Variants in UBAP2L observed in about 807,000 individuals in gnomAD.
UBAP2L encodes the protein ubiquitin-associated protein 2-like.
Under a neutral mutation model 130.6 loss-of-function variants are expected in UBAP2L, and 12 were observed. That is an observed-to-expected ratio of 0.09 (90% confidence interval 0.06 to 0.15). The LOEUF (loss-of-function observed/expected upper bound fraction) is 0.15. Among genes scored for constraint, UBAP2L ranks in the 10% least tolerant of loss-of-function variants. The pLI, the probability that UBAP2L is intolerant of heterozygous loss-of-function variation, is 1.00. For missense variants in UBAP2L, 965 were observed against 1,332.5 expected, an observed-to-expected ratio of 0.72 and a Z score of 4.29; for synonymous variants, 503 against 524.7, an observed-to-expected ratio of 0.96 and a Z score of 0.57.
Position 154,255,707 on chromosome 1 carries a change from C to T in UBAP2L, c.2109C>T (p.Thr703=), listed in dbSNP as rs138366026. The T allele has an allele frequency of 5.7e-5, 92 of 1,614,114 alleles. No individual in the cohort carries two copies. In the African/African-American group the frequency reaches 8.9e-4, roughly 16 times the overall value. ...GCACGTTATCTACGCAGCAGAATAC[C>T]CTTTCATCATCAACATCTTCTGGGC... ...HSSTLSTQQN[T]LSSSTSSGRT... The change falls in exon 18 of 27, where the codon ACC becomes ACT. Residue 703 remains threonine, a synonymous_variant. Coordinates refer to ENST00000428931, the MANE Select transcript of UBAP2L (RefSeq NM_014847.4).
intron 17 of UBAP2L, 65 bp from the exon 18 acceptor site, chr1:154,255,618 G>T: frequency 6.5e-7 from 1 of 1,546,758 alleles, no homozygotes; most frequent in South Asian, 1.1e-5. Flanking sequence ...TTATGTTCTT[G>T]ACTGAAGCTC....
chr1:154,270,598 C>T lies in UBAP2L; in HGVS notation c.*303C>T. ...CTTCCTTTGCTTCCTCCTGTTCACC[C>T]TGGTGGTGTACGGATGAGGCGGGGA... is the stretch of plus-strand genomic sequence containing the variant. On this transcript the variant is annotated 3_prime_UTR_variant, in exon 27 of 27. Transcript: ENST00000428931. 1 of 1,417,604 alleles carries T rather than the reference C, an allele frequency of 7.1e-7. No homozygotes were observed. Among genetic ancestry groups the T allele is most frequent in the South Asian group, 1.6e-5 (1 of 64,004 alleles). The allele number at this position is 1,417,604 out of a possible 1,614,324, so 87.8% of individuals were successfully genotyped here. A position where few individuals can be genotyped will look rare whatever the true frequency, so the allele number is the denominator to read the frequency against.
At chr1:154,234,293 G>A (rs556218791) in intron 4 of UBAP2L, among the ~76,000 whole-genome samples, 103 of 152,132 alleles carry the variant, frequency 6.8e-4, no homozygotes, top group African/African-American at 1.9e-3. Flanking sequence ...AACCTGGGAG[G>A]TGGAGGTTGC....
chr1:154,263,034 C>G lies in UBAP2L; in HGVS notation c.2902+1337C>G. ...TATTATATCAGCCCTTGAGAACCCC[C>G]AGTTCCCAACCCCACAAAGGGCTTT... On this transcript the variant is annotated intron_variant, in intron 24 of 26. Transcript: ENST00000428931. 2.7e-6 allele frequency: 4 copies of G among 1,470,464 alleles called. No homozygotes were observed. In the South Asian group the frequency reaches 3.8e-5, roughly 14 times the overall value. 91.1% of individuals were successfully genotyped at this position (1,470,464 alleles called of 1,614,324 possible).
chr1:154,257,449 A>G lies in UBAP2L; in HGVS notation c.2442+15A>G, dbSNP rs746775623. ...ATGCCTACCCGGTAAGTGGGACTAA[A>G]GGATCTTCTTCAAAAGGTGAGGATG... On this transcript the variant is annotated intron_variant, in intron 20 of 26. Coordinates refer to ENST00000428931, the MANE Select transcript of UBAP2L (RefSeq NM_014847.4). The G allele has an allele frequency of 1.2e-6, 2 of 1,612,004 alleles. No individual in the cohort carries two copies. The highest frequency in any genetic ancestry group is 1.7e-6 in the Non-Finnish European group (2 of 1,179,702).
intron 23 of UBAP2L, 143 bp from the exon 24 acceptor site, chr1:154,261,449 G>T: frequency 1.3e-6 from 1 of 798,680 alleles, no homozygotes. Context: ...CAGTTAGTAA[G>T]GAGCTAATTT....
At chr1:154,220,878 C>A (rs1166802177), upstream of UBAP2L, 1 of 124,264 alleles carries the variant, frequency 8.0e-6, no homozygotes, top group Admixed American at 1.0e-4. Context: ...CGAGAGCGAG[C>A]GCGAGAGGGA....
intron 1 of UBAP2L, among the ~76,000 whole-genome samples, chr1:154,222,711 T>C (rs1439920649): frequency 2.0e-5 from 3 of 152,116 alleles, no homozygotes; most frequent in Non-Finnish European, 2.9e-5. Context: ...AATTGTTTCT[T>C]AAATTAGATT....
rs374206084 is a variant in UBAP2L, at chr1:154,268,825, A to T, written c.3039A>T (p.Leu1013=). 9 of 1,613,914 alleles carry T rather than the reference A, an allele frequency of 5.6e-6. No individual in the cohort carries two copies. The highest frequency in any genetic ancestry group is 6.8e-6 in the Non-Finnish European group (8 of 1,180,002). Residue 1013 remains leucine, a synonymous_variant, in exon 26 of 27, where the codon CTA becomes CTT. Coordinates refer to ENST00000428931, the MANE Select transcript of UBAP2L (RefSeq NM_014847.4). ...CTTCCTTCAACTTGCCTTCAGCCCT[A>T]GGAAGTGGGGGCCCCATCAATCCGG... ...PAASFNLPSA[L]GSGGPINPAT... is the part of the protein sequence containing the mutation.
At chr1:154,235,171 G>C (rs1354170887) in intron 5 of UBAP2L, 25 bp from the exon 6 acceptor site, 5 of 743,778 alleles carry the variant, frequency 6.7e-6, no homozygotes, top group Non-Finnish European at 1.2e-5. Flanking sequence ...TGTTGTTGTT[G>C]TTTTAATTTT....
chr1:154,246,715 A>G (rs1049843962), intron 11 of UBAP2L, among the ~76,000 whole-genome samples: 5 of 152,248 alleles, frequency 3.3e-5, no homozygotes, highest in Non-Finnish European at 7.3e-5. Flanking sequence ...TCATTAAACT[A>G]TGATGGGAGA....
chr1:154,253,941 C>G lies in UBAP2L; in HGVS notation c.1706C>G (p.Ser569Cys). 1 of 1,614,114 alleles carries G rather than the reference C, an allele frequency of 6.2e-7. No individual in the cohort carries two copies. Among genetic ancestry groups the G allele is most frequent in the African/African-American group, 1.3e-5 (1 of 75,000 alleles). Reference protein sequence around the residue: ...STISSNQSQESGYQSGPIQST... With the variant: ...STISSNQSQECGYQSGPIQST... ...ATTTCATCTAACCAGAGTCAGGAGTCTGGTTATCAGAGCGGCCCAATTCAG... is the reference window on the plus strand; with the variant it reads ...ATTTCATCTAACCAGAGTCAGGAGTGTGGTTATCAGAGCGGCCCAATTCAG... Residue 569 changes from serine (S) to cysteine (C), a missense_variant, in exon 15 of 27, where the codon TCT becomes TGT. Transcript: ENST00000428931.
chr1:154,226,687 A>G (rs2148482215), intron 2 of UBAP2L, among the ~76,000 whole-genome samples: 1 of 151,860 alleles, frequency 6.6e-6, no homozygotes, highest in South Asian at 2.1e-4. Context: ...TTGTGACTTA[A>G]TATGAATTAA....
At chr1:154,256,116 G>GT (rs1450902590) in intron 18 of UBAP2L, among the ~76,000 whole-genome samples, 14 of 152,244 alleles carry the variant, frequency 9.2e-5, no homozygotes, top group African/African-American at 3.4e-4. Context: ...AAAAGAATCA[G>GT]TGCAAGGCTG....
At chr1:154,261,976 G>A (rs1681701036) in intron 24 of UBAP2L, among the ~76,000 whole-genome samples, 1 of 152,146 alleles carries the variant, frequency 6.6e-6, no homozygotes, top group Admixed American at 6.5e-5. Flanking sequence ...GTGGAAGTAG[G>A]GCAAGGAGCC....
At position 154,270,770 on chromosome 1, in the gene UBAP2L, GTTTT is replaced by G. The variant is rs370017648; in HGVS notation, c.*488_*491del. Reference sequence around the variant, plus strand: ...AATTAGTTGAAGTGGTTTTTTTTTTGTTTTTTTTTTTTTTTTGTACTGTGTCCTC... The same window carrying G: ...AATTAGTTGAAGTGGTTTTTTTTTTGTTTTTTTTTTTTGTACTGTGTCCTC... On this transcript the variant is annotated 3_prime_UTR_variant, in exon 27 of 27. Transcript: ENST00000428931. The G allele has an allele frequency of 3.3e-5, 30 of 922,898 alleles. No individual in the cohort carries two copies. Among genetic ancestry groups the G allele is most frequent in the Middle Eastern group, 8.5e-4 (2 of 2,346 alleles). 57.2% of individuals were successfully genotyped at this position (922,898 alleles called of 1,614,324 possible).
rs869153080 is a variant in UBAP2L, at chr1:154,267,880, C to CTTTTTTTTTTTTTTTTTTTTTTTTT, written c.2971-875_2971-851dup. On this transcript the variant is annotated intron_variant, in intron 25 of 26. Coordinates refer to ENST00000428931, the MANE Select transcript of UBAP2L (RefSeq NM_014847.4). ...TCCACATTCCATCCTCTTATTTGGT[C>CTTTTTTTTTTTTTTTTTTTTTTTTT]TTTTTTTTTTTTTTTTTTTTTTTTT... 5.6e-4 allele frequency among the ~76,000 whole-genome samples: 29 copies of CTTTTTTTTTTTTTTTTTTTTTTTTT among 52,086 alleles called. 6 individuals carry two copies. Among genetic ancestry groups the CTTTTTTTTTTTTTTTTTTTTTTTTT allele is most frequent in the Non-Finnish European group, 8.3e-4 (23 of 27,630 alleles). The allele number at this position is 52,086 out of a possible 152,430, so 34.2% of individuals were successfully genotyped here.
At chr1:154,271,049 C>A, downstream of UBAP2L, 1 of 1,125,866 alleles carries the variant, frequency 8.9e-7, no homozygotes, top group Non-Finnish European at 1.3e-6. Flanking sequence ...GGATTTCCTT[C>A]CCCTCACCCC....
chr1:154,259,670 A>T (rs533000850), intron 21 of UBAP2L: 2 of 518,126 alleles, frequency 3.9e-6, no homozygotes, highest in Non-Finnish European at 7.1e-6. Flanking sequence ...ACTGATAGGG[A>T]TGACACCTAG....
Sources: gnomAD v4.1 joint callset for allele counts (sites outside exome capture counted in the v4.1 genomes callset) on GRCh38, gnomAD v4.1.1 for gene constraint, MANE v1.5 for transcripts, NCBI Gene and HGNC (gene_info 2026-07-23, HGNC 2026-07-21) for gene names.